RANBP2: variants seen among roughly 807,000 people sequenced by gnomAD.
The protein encoded by RANBP2 is RAN binding protein 2.
Under a neutral mutation model 303.6 loss-of-function variants are expected in RANBP2, and 57 were observed. That is an observed-to-expected ratio of 0.19 (90% CI 0.15 to 0.23). The LOEUF is 0.23. Ranked by LOEUF, RANBP2 falls within the 10% of genes least tolerant of loss-of-function variation. The pLI is 1.00. For synonymous variants in RANBP2, 1,167 were observed against 1,301.5 expected (o/e 0.90, Z 2.23); for missense variants, 3,138 against 3,780.8 (o/e 0.83, Z 4.46).
At chr2:109,613,819 G>A in the RANBP2 span, 2 of 1,235,876 alleles carry the variant, frequency 1.6e-6, no homozygotes, top group Non-Finnish European at 2.0e-6. Flanking sequence ...CCACCTCGGA[G>A]GAGGCCATGG....
the RANBP2 span, among the ~76,000 whole-genome samples, chr2:108,828,694 C>T: frequency 6.6e-6 from 1 of 152,092 alleles, no homozygotes; most frequent in Non-Finnish European, 1.5e-5. Context: ...TAAAATTTAA[C>T]TCGGCTGGGC....
intron 2 of RANBP2, among the ~76,000 whole-genome samples, chr2:108,729,879 C>G (rs1695031948): frequency 6.6e-6 from 1 of 152,110 alleles, no homozygotes; most frequent in Admixed American, 6.5e-5. Flanking sequence ...ACCACCACAC[C>G]TGGCTAAGGT....
chr2:109,321,729 A>G, the RANBP2 span, among the ~76,000 whole-genome samples: 1 of 152,234 alleles, frequency 6.6e-6, no homozygotes, highest in African/African-American at 2.4e-5. Context: ...ACTCAAGTAT[A>G]GACAGATTTT....
chr2:109,648,939 A>T, the RANBP2 span, among the ~76,000 whole-genome samples: 1 of 152,044 alleles, frequency 6.6e-6, no homozygotes, highest in Admixed American at 6.6e-5. Flanking sequence ...GAGTGCTGGG[A>T]GTGTCTGCTG....
chr2:108,979,410 G>A, the RANBP2 span, among the ~76,000 whole-genome samples: 1 of 150,666 alleles, frequency 6.6e-6, no homozygotes, highest in Admixed American at 6.6e-5. Context: ...CCCATCCCAA[G>A]CTTTGGTTGC....
chr2:108,729,946 C>G (rs1455256497), intron 2 of RANBP2, among the ~76,000 whole-genome samples: 3 of 152,028 alleles, frequency 2.0e-5, no homozygotes, highest in Non-Finnish European at 4.4e-5. Context: ...TCTTGAACTT[C>G]TGAGCACAGC....
At position 108,767,206 on chromosome 2, in the gene RANBP2, G is replaced by A. The variant is rs571135757; in HGVS notation, c.6667G>A (p.Glu2223Lys). ...PNPENTGPTLEWDNYDLREDA... is the reference protein window; with the variant it reads ...PNPENTGPTLKWDNYDLREDA... ...TCCTGAAAACACTGGGCCCACATTA[G>A]AATGGGATAACTATGATTTAAGGGA... The change falls in exon 20 of 29, where the codon GAA (glutamate) becomes AAA (lysine). Residue 2223 changes from glutamate to lysine, a missense_variant. Physicochemically the swap from Glu to Lys is moderately conservative, Grantham distance 56. This residue lies in a region of RANBP2 where 103 missense variants were observed against 214.3 expected (regional missense o/e 0.48). Coordinates refer to ENST00000283195, the MANE Select transcript of RANBP2 (RefSeq NM_006267.5). The A allele has an allele frequency of 1.2e-6, 2 of 1,612,066 alleles. No individual in the cohort carries two copies. Among genetic ancestry groups the A allele is most frequent in the Non-Finnish European group, 1.7e-6 (2 of 1,179,868 alleles).
chr2:109,545,305 C>T, the RANBP2 span: 1 of 1,449,222 alleles, frequency 6.9e-7, no homozygotes. Context: ...AAACAAGGGA[C>T]ACAAAGTACA....
At chr2:108,722,361 A>G (rs370642543) in intron 1 of RANBP2, among the ~76,000 whole-genome samples, 13 of 152,082 alleles carry the variant, frequency 8.5e-5, no homozygotes, top group East Asian at 1.9e-4. Context: ...GCTATTCTGT[A>G]AAGTTAGGTT....
chr2:109,078,588 G>C, the RANBP2 span, among the ~76,000 whole-genome samples: 1 of 149,252 alleles, frequency 6.7e-6, no homozygotes, highest in African/African-American at 2.4e-5. Context: ...TAAGTTCTAG[G>C]GGTCTAAGGT....
chr2:109,253,860 A>G, the RANBP2 span, among the ~76,000 whole-genome samples: 1 of 152,166 alleles, frequency 6.6e-6, no homozygotes, highest in East Asian at 1.9e-4. Flanking sequence ...AGAAACCAGA[A>G]AGTAATGTAT....
chr2:109,216,679 A>G, the RANBP2 span, among the ~76,000 whole-genome samples: 1 of 152,260 alleles, frequency 6.6e-6, no homozygotes, highest in Non-Finnish European at 1.5e-5. Flanking sequence ...CTCTCTAGCC[A>G]GTGCCCAAGG....
chr2:108,752,741 C>T (rs1204632665), intron 12 of RANBP2, among the ~76,000 whole-genome samples: 1 of 150,832 alleles, frequency 6.6e-6, no homozygotes, highest in Non-Finnish European at 1.5e-5. Context: ...TGCAGTGAGC[C>T]GAGATCACGC....
At chr2:108,820,712 A>AAAGC in the RANBP2 span, among the ~76,000 whole-genome samples, 1 of 22,606 alleles carries the variant, frequency 4.4e-5, no homozygotes, top group Admixed American at 4.4e-4. Flanking sequence ...AAAAAAAAAA[A>AAAGC]AAACAAACAA....
the RANBP2 span, among the ~76,000 whole-genome samples, chr2:108,991,226 A>G: frequency 6.6e-6 from 1 of 152,346 alleles, no homozygotes; most frequent in Admixed American, 6.5e-5. Context: ...TCATATCCAA[A>G]TGAAAATGAG....
chr2:108,871,785 A>G, the RANBP2 span, among the ~76,000 whole-genome samples: 1 of 151,922 alleles, frequency 6.6e-6, no homozygotes, highest in Non-Finnish European at 1.5e-5. Flanking sequence ...CCCCGCCTCC[A>G]TTTTCTGATT....
At chr2:109,574,711 T>G in the RANBP2 span, 1 of 1,606,316 alleles carries the variant, frequency 6.2e-7, no homozygotes. Flanking sequence ...AATCTTCAGT[T>G]CTTCTTGGAG....
At chr2:109,074,660 G>A in the RANBP2 span, among the ~76,000 whole-genome samples, 4 of 149,766 alleles carry the variant, frequency 2.7e-5, no homozygotes, top group Admixed American at 1.3e-4. Flanking sequence ...AGATCACACC[G>A]CTAGACTCCA....
At chr2:109,058,003 C>T in the RANBP2 span, among the ~76,000 whole-genome samples, 1 of 152,200 alleles carries the variant, frequency 6.6e-6, no homozygotes, top group Non-Finnish European at 1.5e-5. Context: ...GGGGCAGGAG[C>T]AGAATCTATC....
Sources: allele counts gnomAD v4.1 joint callset (sites outside exome capture counted in the v4.1 genomes callset), GRCh38; gene constraint gnomAD v4.1.1; regional missense constraint gnomAD v4.1.1; transcripts MANE v1.5; gene names NCBI Gene and HGNC (gene_info 2026-07-23, HGNC 2026-07-21).